CWC27: variants seen among roughly 807,000 people sequenced by gnomAD.
CWC27 encodes CWC27 spliceosome associated cyclophilin.
Under a neutral mutation model 63.6 loss-of-function variants are expected in CWC27, and 47 were observed. The observed-to-expected ratio is 0.74, with a 90% CI of 0.58 to 0.94. The LOEUF is 0.94. Among genes scored for constraint, CWC27 ranks in the 40% least tolerant of loss-of-function variants. The pLI, the probability that CWC27 is intolerant of heterozygous loss-of-function variation, is 0.00. For missense variants in CWC27, 495 were observed against 554.3 expected (o/e 0.89, Z 1.07); for synonymous variants, 175 against 179.8 (o/e 0.97, Z 0.22).
intron 11 of CWC27, among the ~76,000 whole-genome samples, chr5:64,916,596 C>T (rs780486717): frequency 4.6e-5 from 7 of 152,180 alleles, no homozygotes; most frequent in Non-Finnish European, 1.0e-4. Context: ...TATCATCAGA[C>T]AGCTCACTTA....
chr5:64,951,306 C>T (rs1748704827), intron 11 of CWC27, among the ~76,000 whole-genome samples: 1 of 151,862 alleles, frequency 6.6e-6, no homozygotes, highest in Non-Finnish European at 1.5e-5. Flanking sequence ...TTTTAATATG[C>T]ATTTCCCTAA....
chr5:64,938,976 C>T (rs184389674), intron 11 of CWC27, among the ~76,000 whole-genome samples: 10 of 152,302 alleles, frequency 6.6e-5, no homozygotes, highest in Non-Finnish European at 1.5e-4. Flanking sequence ...AATGTCTTCT[C>T]TACACTGTTT....
At chr5:64,852,775 CTT>C (rs79444686) in intron 10 of CWC27, among the ~76,000 whole-genome samples, 6 of 144,536 alleles carry the variant, frequency 4.2e-5, no homozygotes, top group Admixed American at 6.9e-5. Flanking sequence ...TCCCGGCCAC[CTT>C]TTTTTTTTTT....
chr5:64,785,708 A>C, intron 5 of CWC27, 129 bp downstream of exon 5: 1 of 523,524 alleles, frequency 1.9e-6, no homozygotes, highest in Non-Finnish European at 3.3e-6. Context: ...TTTTATCTCT[A>C]ATTTATTTGG....
intron 10 of CWC27, among the ~76,000 whole-genome samples, chr5:64,855,390 T>C (rs776495373): frequency 1.8e-4 from 27 of 152,162 alleles, no homozygotes; most frequent in Non-Finnish European, 3.5e-4. Context: ...CCAGGTGCTT[T>C]GTAGCTACTT....
At chr5:64,966,724 T>G (rs1351284897) in intron 11 of CWC27, among the ~76,000 whole-genome samples, 2 of 152,138 alleles carry the variant, frequency 1.3e-5, no homozygotes, top group Non-Finnish European at 2.9e-5. Context: ...ATGCATGTGC[T>G]TTAGGTTACT....
chr5:64,779,744 C>G (rs1323245141), intron 2 of CWC27, among the ~76,000 whole-genome samples: 2 of 152,100 alleles, frequency 1.3e-5, no homozygotes, highest in East Asian at 3.9e-4. Context: ...AATTGTAAAC[C>G]CCATAATCCC....
intron 13 of CWC27, among the ~76,000 whole-genome samples, chr5:64,985,512 C>T (rs1749408641): frequency 1.3e-5 from 2 of 152,038 alleles, no homozygotes; most frequent in African/African-American, 2.4e-5. Context: ...AAACCATTTC[C>T]TTGTTTGTGG....
At chr5:64,890,188 C>A (rs2112350206) in intron 11 of CWC27, among the ~76,000 whole-genome samples, 1 of 152,224 alleles carries the variant, frequency 6.6e-6, no homozygotes, top group Middle Eastern at 3.4e-3. Flanking sequence ...AAGGGTCAGG[C>A]TGAGCTTGTA....
At chr5:65,007,070 T>TA (rs940572014) in intron 13 of CWC27, among the ~76,000 whole-genome samples, 9 of 152,194 alleles carry the variant, frequency 5.9e-5, no homozygotes, top group Admixed American at 5.9e-4. Context: ...TGACAAGCAC[T>TA]ACCTCAGTGA....
intron 11 of CWC27, among the ~76,000 whole-genome samples, chr5:64,941,053 C>G (rs764053796): frequency 6.6e-6 from 1 of 151,820 alleles, no homozygotes; most frequent in African/African-American, 2.4e-5. Flanking sequence ...ACCATGTTGG[C>G]CAGGCTGGTC....
intron 13 of CWC27, among the ~76,000 whole-genome samples, chr5:65,010,474 T>C (rs1749930128): frequency 6.6e-6 from 1 of 152,200 alleles, no homozygotes; most frequent in Non-Finnish European, 1.5e-5. Context: ...CACAGTCCCA[T>C]AGAATGACAA....
chr5:64,915,808 A>G (rs1316333881), intron 11 of CWC27, among the ~76,000 whole-genome samples: 2 of 152,106 alleles, frequency 1.3e-5, no homozygotes, highest in South Asian at 2.1e-4. Flanking sequence ...TTACCCAAAA[A>G]CCCTATAAAA....
intron 11 of CWC27, among the ~76,000 whole-genome samples, chr5:64,930,102 C>T (rs1236793592): frequency 6.6e-6 from 1 of 151,976 alleles, no homozygotes; most frequent in Non-Finnish European, 1.5e-5. Flanking sequence ...ATGAAAGAAG[C>T]CAGAATACAA....
chr5:64,900,947 C>T (rs1438238029), intron 11 of CWC27, among the ~76,000 whole-genome samples: 1 of 152,018 alleles, frequency 6.6e-6, no homozygotes, highest in African/African-American at 2.4e-5. Flanking sequence ...TCTGAATGTG[C>T]CCCAACACAA....
intron 10 of CWC27, among the ~76,000 whole-genome samples, chr5:64,844,623 A>G (rs1745927402): frequency 1.3e-5 from 2 of 152,350 alleles, no homozygotes; most frequent in African/African-American, 4.8e-5. Context: ...CCACCCAGGC[A>G]GAGAGACTCT....
intron 10 of CWC27, among the ~76,000 whole-genome samples, chr5:64,821,243 C>G (rs1745189239): frequency 6.6e-6 from 1 of 152,026 alleles, no homozygotes; most frequent in African/African-American, 2.4e-5. Context: ...TGCCACCACA[C>G]CCAGCTAATT....
At chr5:64,909,829 A>G (rs1338412212) in intron 11 of CWC27, among the ~76,000 whole-genome samples, 1 of 152,092 alleles carries the variant, frequency 6.6e-6, no homozygotes, top group South Asian at 2.1e-4. Flanking sequence ...CCATTCATCC[A>G]ATCTTTTTTC....
intron 11 of CWC27, among the ~76,000 whole-genome samples, chr5:64,916,421 T>A: frequency 6.6e-6 from 1 of 152,204 alleles, no homozygotes. Flanking sequence ...TAGGTATTCA[T>A]GTTTCGTGGC....
Sources: gnomAD v4.1 joint callset for allele counts (sites outside exome capture counted in the v4.1 genomes callset) on GRCh38, gnomAD v4.1.1 for gene constraint, MANE v1.5 for transcripts, NCBI Gene and HGNC (gene_info 2026-07-23, HGNC 2026-07-21) for gene names.